HECW2: variants seen among roughly 807,000 people sequenced by gnomAD.
HECW2 encodes the protein HECT, C2 and WW domain containing E3 ubiquitin protein ligase 2, also known as E3 ubiquitin-protein ligase HECW2.
HECW2 carries 61 observed loss-of-function variants against 175.2 expected under a neutral mutation model. The observed-to-expected ratio is 0.35, with a 90% confidence interval of 0.28 to 0.43. HECW2 has a LOEUF of 0.43. HECW2 is among the 20% of genes least tolerant of loss of function. The probability of loss-of-function intolerance (pLI) is 1.00; values close to 1 mark genes in which losing one functional copy is unlikely to be tolerated. For synonymous variants in HECW2, 671 were observed against 731.0 expected (o/e 0.92, Z 1.32); for missense variants, 1,524 against 2,000.5 (o/e 0.76, Z 4.54).
intron 14 of HECW2, chr2:196,290,570 C>T (rs1559014762): frequency 6.6e-6 from 1 of 152,154 alleles, no homozygotes; most frequent in Non-Finnish European, 1.5e-5. Flanking sequence ...AACACAGCTC[C>T]TCATTCATGA....
At chr2:196,495,072 CTT>C (rs113446687) in intron 1 of HECW2, among the ~76,000 whole-genome samples, 13 of 144,190 alleles carry the variant, frequency 9.0e-5, no homozygotes, top group Non-Finnish European at 7.6e-5. Context: ...ATATATCATT[CTT>C]TTTTTTTTTT....
rs1237180725 is a variant in HECW2, at chr2:196,212,038, T to C, written c.4607+3827A>G. On this transcript the variant is annotated intron_variant, in intron 28 of 28. Coordinates refer to ENST00000644978, the MANE Select transcript of HECW2 (RefSeq NM_001348768.2). ...TTTTAGTAGAGACAGGGTTTCACCA[T>C]GTTAGCCAGGCTGGTCTCAAACTCC... 5.3e-5 allele frequency among the ~76,000 whole-genome samples: 8 copies of C among 152,264 alleles called. No homozygotes were observed. In the East Asian group the frequency reaches 1.3e-3, roughly 26 times the overall value.
Position 196,276,100 on chromosome 2 carries a change from T to C in HECW2, c.3136-1977A>G, listed in dbSNP as rs551092944. ...TTTCTCTCCTCACAGTATGTTGCCA[T>C]GTCTCATCATTTCCCAGAAAAGCCA... On this transcript the variant is annotated intron_variant, in intron 15 of 28. Transcript: ENST00000644978. 2.0e-4 allele frequency among the ~76,000 whole-genome samples: 30 copies of C among 152,354 alleles called. No individual in the cohort carries two copies. In the South Asian group the frequency reaches 2.5e-3, roughly 13 times the overall value.
chr2:196,278,133 A>AAAAAAAAAAAAAATATATATATATATAT (rs531920307), intron 15 of HECW2, among the ~76,000 whole-genome samples: 1 of 66,552 alleles, frequency 1.5e-5, no homozygotes, highest in Non-Finnish European at 3.3e-5. Context: ...ATAATTAAAA[A>AAAAAAAAAAAAAATATATATATATATAT]ATATATATAT....
chr2:196,555,119 A>C (rs1183034636), intron 1 of HECW2, among the ~76,000 whole-genome samples: 1 of 152,238 alleles, frequency 6.6e-6, no homozygotes, highest in Non-Finnish European at 1.5e-5. Flanking sequence ...AAGTAAGACT[A>C]AATAAGGAAG....
At chr2:196,258,098 G>A (rs1052535573) in intron 17 of HECW2, 192 bp from the exon 18 acceptor site, 1 of 556,354 alleles carries the variant, frequency 1.8e-6, no homozygotes, top group African/African-American at 1.9e-5. Flanking sequence ...GATCTTGTAA[G>A]CATCAACACC....
At chr2:196,487,147 T>TA (rs375017365) in intron 1 of HECW2, among the ~76,000 whole-genome samples, 20,969 of 123,832 alleles carry the variant, frequency 0.17, 1,668 homozygotes, top group Middle Eastern at 0.27. Flanking sequence ...AGACTCTGCC[T>TA]AAAAAAAAAA....
At chr2:196,470,093 A>G (rs1476757122) in intron 1 of HECW2, among the ~76,000 whole-genome samples, 2 of 152,156 alleles carry the variant, frequency 1.3e-5, no homozygotes, top group African/African-American at 4.8e-5. Context: ...AAATTCGCAT[A>G]AGCAAAATAA....
At chr2:196,552,694 T>C (rs1395500516) in intron 1 of HECW2, among the ~76,000 whole-genome samples, 1 of 152,206 alleles carries the variant, frequency 6.6e-6, no homozygotes. Context: ...CTCCTCTTCC[T>C]GAGCCTGAGG....
intron 1 of HECW2, among the ~76,000 whole-genome samples, chr2:196,530,372 G>A (rs576743593): frequency 6.6e-6 from 1 of 152,276 alleles, no homozygotes; most frequent in South Asian, 2.1e-4. Flanking sequence ...TCTCCATGAA[G>A]TTCTGCCTAC....
chr2:196,470,563 G>T (rs1296029145), intron 1 of HECW2, among the ~76,000 whole-genome samples: 1 of 152,046 alleles, frequency 6.6e-6, no homozygotes, highest in Non-Finnish European at 1.5e-5. Flanking sequence ...AATGATTCTT[G>T]GTTGCCCATT....
At chr2:196,473,335 G>A (rs1470716376) in intron 1 of HECW2, among the ~76,000 whole-genome samples, 1 of 152,094 alleles carries the variant, frequency 6.6e-6, no homozygotes, top group East Asian at 1.9e-4. Flanking sequence ...ATCTGTTATA[G>A]AAAATACATA....
In HECW2 at chr2:196,215,807, T is replaced by A. The variant is rs1484972597; in HGVS notation, c.4607+58A>T. 6 of 1,225,992 alleles carry A rather than the reference T, an allele frequency of 4.9e-6. No homozygotes were observed. In the East Asian group the frequency reaches 1.4e-4, roughly 29 times the overall value. 75.9% of individuals were successfully genotyped at this position (1,225,992 alleles called of 1,614,324 possible). On this transcript the variant is annotated intron_variant, in intron 28 of 28. Coordinates refer to ENST00000644978, the MANE Select transcript of HECW2 (RefSeq NM_001348768.2). ...AAGCAGTAATTAATCAATATATACATAAATGAATGTCTCCACCAAATGTTG... is the reference window on the plus strand; with the variant it reads ...AAGCAGTAATTAATCAATATATACAAAAATGAATGTCTCCACCAAATGTTG...
rs559005983 is a variant in HECW2, at chr2:196,286,232, C to T, written c.3000+6333G>A. Among the ~76,000 whole-genome samples, 4 of 152,190 alleles carry T rather than the reference C, an allele frequency of 2.6e-5. No individual in the cohort carries two copies. In the East Asian group the frequency reaches 7.7e-4, roughly 29 times the overall value. The stretch of plus-strand genomic sequence containing the variant: ...ACAAATCAGCCCTCCTCTCCACCTG[C>T]CACAGAGAGCTGATTGTTCAACATT... On this transcript the variant is annotated intron_variant, in intron 14 of 28. Transcript: ENST00000644978.
chr2:196,448,434 T>A (rs1696248983), intron 1 of HECW2, among the ~76,000 whole-genome samples: 1 of 152,212 alleles, frequency 6.6e-6, no homozygotes, highest in Non-Finnish European at 1.5e-5. Context: ...TCCAATATGC[T>A]ACGCCTCCTG....
At chr2:196,330,999 T>A (rs565306666) in intron 4 of HECW2, 54 of 211,984 alleles carry the variant, frequency 2.5e-4, no homozygotes, top group Non-Finnish European at 4.1e-4. Context: ...AAATCACACA[T>A]CCCCAGGAGA....
chr2:196,297,485 C>T (rs4610072), intron 13 of HECW2, among the ~76,000 whole-genome samples: 31,907 of 152,128 alleles, frequency 0.21, 3,627 homozygotes, highest in Middle Eastern at 0.28. Flanking sequence ...ATACTTAGTT[C>T]TTGTCAACCA....
intron 1 of HECW2, among the ~76,000 whole-genome samples, chr2:196,482,617 A>T (rs1288924440): frequency 2.6e-5 from 4 of 152,156 alleles, no homozygotes; most frequent in Non-Finnish European, 5.9e-5. Context: ...GTGGTGTCAA[A>T]GGGAGGCCAG....
At position 196,573,137 on chromosome 2, in the gene HECW2, G is replaced by A. The variant is rs533505520; in HGVS notation, c.-36+20371C>T. On this transcript the variant is annotated intron_variant, in intron 1 of 28. Transcript: ENST00000644978. ...AAGAAAACAATCAAATAAAACATCAGGAGAGTGGCAGGCAGTTTTATAATT... is the reference window on the plus strand; with the variant it reads ...AAGAAAACAATCAAATAAAACATCAAGAGAGTGGCAGGCAGTTTTATAATT... Among the ~76,000 whole-genome samples, 6 of 152,018 alleles carry A rather than the reference G, an allele frequency of 3.9e-5. No homozygotes were observed. In the South Asian group the frequency reaches 1.2e-3, roughly 32 times the overall value.
Sources: allele counts gnomAD v4.1 joint callset (sites outside exome capture counted in the v4.1 genomes callset), GRCh38; gene constraint gnomAD v4.1.1; transcripts MANE v1.5; gene names NCBI Gene and HGNC (gene_info 2026-07-23, HGNC 2026-07-21).